The following PEX14 variants were observed in gnomAD, a reference collection of about 807,000 sequenced individuals.
PEX14 encodes peroxisomal biogenesis factor 14, also known as peroxisomal membrane protein PEX14.
Under a neutral mutation model 49.5 loss-of-function variants are expected in PEX14, and 15 were observed. The observed-to-expected ratio is 0.30, with a 90% confidence interval of 0.20 to 0.47. The LOEUF is 0.47. Among genes scored for constraint, PEX14 ranks in the 20% least tolerant of loss-of-function variants. The probability of loss-of-function intolerance (pLI) is 1.00; values close to 1 mark genes in which losing one functional copy is unlikely to be tolerated. For missense variants in PEX14, 398 were observed against 494.8 expected, an observed-to-expected ratio of 0.80 and a Z score of 1.86; for synonymous variants, 210 against 212.7, an observed-to-expected ratio of 0.99 and a Z score of 0.11.
intron 2 of PEX14, among the ~76,000 whole-genome samples, chr1:10,520,151 TTTTTTTTTTTTG>T (rs1557824017): frequency 2.6e-5 from 2 of 76,314 alleles, no homozygotes. Flanking sequence ...TCTTCTTCTT[TTTTTTTTTTTTG>T]TTTTTTTAAC....
intron 3 of PEX14, among the ~76,000 whole-genome samples, chr1:10,538,059 G>A (rs1291411772): frequency 1.3e-5 from 2 of 152,204 alleles, no homozygotes; most frequent in Non-Finnish European, 2.9e-5. Context: ...GCAGAGAACC[G>A]AACAGACAAA....
At chr1:10,477,977 C>T (rs747064492) in intron 1 of PEX14, among the ~76,000 whole-genome samples, 1 of 152,138 alleles carries the variant, frequency 6.6e-6, no homozygotes, top group Non-Finnish European at 1.5e-5. Flanking sequence ...CAACCTCCGC[C>T]TCCCAGGTTC....
At chr1:10,486,388 T>A (rs989869526) in intron 1 of PEX14, among the ~76,000 whole-genome samples, 4 of 150,450 alleles carry the variant, frequency 2.7e-5, no homozygotes, top group Admixed American at 6.6e-5. Flanking sequence ...TTTAATCATA[T>A]GTGTTTTGAG....
intron 4 of PEX14, among the ~76,000 whole-genome samples, chr1:10,614,263 G>A (rs574867529): frequency 8.4e-4 from 128 of 152,274 alleles, no homozygotes; most frequent in African/African-American, 2.9e-3. Flanking sequence ...TCTCCAAAAC[G>A]AGTAAAATGG....
intron 2 of PEX14, among the ~76,000 whole-genome samples, chr1:10,515,003 TA>T (rs1333648290): frequency 6.6e-6 from 1 of 152,160 alleles, no homozygotes; most frequent in East Asian, 1.9e-4. Context: ...TGCCCCTGTG[TA>T]GGTGGGAAGA....
Position 10,623,214 on chromosome 1 carries a change from T to C in PEX14, c.487+93T>C, listed in dbSNP as rs562277736. The stretch of plus-strand genomic sequence containing the variant: ...CCCCTCTCCCTCTGTCTCCACTCTA[T>C]GTGGTGACTTCATTTATCTGCTCTG... On this transcript the variant is annotated intron_variant, in intron 6 of 8. Coordinates refer to ENST00000356607, the MANE Select transcript of PEX14 (RefSeq NM_004565.3). The surrounding 1 kb of genome is among the most constrained non-coding windows in gnomAD (Gnocchi z 4.4). The C allele has an allele frequency of 5.1e-5, 40 of 786,260 alleles. No homozygotes were observed. Among genetic ancestry groups the C allele is most frequent in the Admixed American group, 1.0e-4 (5 of 50,032 alleles). The allele number at this position is 786,260 out of a possible 1,614,324, so 48.7% of individuals were successfully genotyped here.
chr1:10,578,296 T>C (rs528410764), intron 3 of PEX14, among the ~76,000 whole-genome samples: 2 of 152,240 alleles, frequency 1.3e-5, no homozygotes, highest in Admixed American at 1.3e-4. Flanking sequence ...TTAGAGGCGA[T>C]TCGATAAACA....
intron 2 of PEX14, among the ~76,000 whole-genome samples, chr1:10,532,349 GT>G (rs1162353075): frequency 2.1e-5 from 3 of 143,580 alleles, no homozygotes; most frequent in Non-Finnish European, 4.5e-5. Context: ...TGGCAGGGTT[GT>G]TTTATTTTGC....
Position 10,529,452 on chromosome 1 carries a change from G to A in PEX14, c.85-6761G>A, listed in dbSNP as rs748529438. Among the ~76,000 whole-genome samples the A allele has an allele frequency of 2.6e-5, 4 of 152,338 alleles. No homozygotes were observed. The highest frequency in any genetic ancestry group is 2.1e-4 in the South Asian group (1 of 4,832). On this transcript the variant is annotated intron_variant, in intron 2 of 8. Coordinates refer to ENST00000356607, the MANE Select transcript of PEX14 (RefSeq NM_004565.3). This position sits in a 1 kb window ranked among gnomAD's most constrained non-coding sequence, Gnocchi z 4.2. ...ACTGTCCCTTGACATTAAATAGTGCGTGGTGGTTTAAGATGCTTTTTATTT... is the reference window on the plus strand; with the variant it reads ...ACTGTCCCTTGACATTAAATAGTGCATGGTGGTTTAAGATGCTTTTTATTT...
Position 10,514,408 on chromosome 1 carries a change from G to A in PEX14, c.84+19087G>A, listed in dbSNP as rs1278210362. Reference sequence around the variant, plus strand: ...AGGTGTGCTATACTGTGTTGTTTGTGCACGTGTGTAACAATATACAGTGTT... The same window carrying A: ...AGGTGTGCTATACTGTGTTGTTTGTACACGTGTGTAACAATATACAGTGTT... On this transcript the variant is annotated intron_variant, in intron 2 of 8. Coordinates refer to ENST00000356607, the MANE Select transcript of PEX14 (RefSeq NM_004565.3). This position sits in a 1 kb window ranked among gnomAD's most constrained non-coding sequence, Gnocchi z 4.4. Among the ~76,000 whole-genome samples, 2 of 152,200 alleles carry A rather than the reference G, an allele frequency of 1.3e-5. No homozygotes were observed. The highest frequency in any genetic ancestry group is 4.8e-5 in the African/African-American group (2 of 41,454).
intron 2 of PEX14, among the ~76,000 whole-genome samples, chr1:10,509,227 C>T (rs193089592): frequency 2.0e-5 from 3 of 152,142 alleles, no homozygotes; most frequent in East Asian, 3.9e-4. Context: ...GGATTACAGG[C>T]GTGAGCCACC....
chr1:10,550,124 G>T (rs1291281038), intron 3 of PEX14, among the ~76,000 whole-genome samples: 1 of 152,198 alleles, frequency 6.6e-6, no homozygotes, highest in South Asian at 2.1e-4. Flanking sequence ...ATACAGATAA[G>T]CAAGGTGCTG....
intron 3 of PEX14, among the ~76,000 whole-genome samples, chr1:10,598,727 C>G (rs1013988053): frequency 6.6e-6 from 1 of 152,174 alleles, no homozygotes; most frequent in Non-Finnish European, 1.5e-5. Flanking sequence ...CACAGTCAGT[C>G]CTGATTTTTC....
intron 5 of PEX14, among the ~76,000 whole-genome samples, chr1:10,622,815 C>T (rs1030773793): frequency 6.6e-6 from 1 of 152,238 alleles, no homozygotes; most frequent in Non-Finnish European, 1.5e-5. Context: ...CCTCCTGGTC[C>T]TTGTCCTTAT....
chr1:10,535,603 T>C (rs1193999846), intron 2 of PEX14, among the ~76,000 whole-genome samples: 2 of 152,122 alleles, frequency 1.3e-5, no homozygotes, highest in Admixed American at 6.5e-5. Context: ...TGCAGCGTAG[T>C]TGGGGAGGCA....
intron 3 of PEX14, among the ~76,000 whole-genome samples, chr1:10,586,901 A>C (rs539243201): frequency 1.7e-4 from 26 of 151,790 alleles, no homozygotes; most frequent in African/African-American, 6.3e-4. Context: ...CGGCCTCCCA[A>C]AGTGCTGGGA....
chr1:10,604,618 C>A (rs927339686), intron 4 of PEX14, among the ~76,000 whole-genome samples: 16 of 152,076 alleles, frequency 1.1e-4, no homozygotes, highest in Non-Finnish European at 2.1e-4. Context: ...CTCTAAAAAA[C>A]CAAAAAGAAA....
At chr1:10,542,415 A>C (rs1352451124) in intron 3 of PEX14, among the ~76,000 whole-genome samples, 1 of 152,224 alleles carries the variant, frequency 6.6e-6, no homozygotes, top group Non-Finnish European at 1.5e-5. Context: ...GACTTGCTTC[A>C]TTCTTTTCAG....
intron 3 of PEX14, among the ~76,000 whole-genome samples, chr1:10,562,542 C>G (rs1639678995): frequency 6.6e-6 from 1 of 152,110 alleles, no homozygotes. Context: ...TTGGATTTAT[C>G]TGATGTTTCC....
Sources: gnomAD v4.1 joint callset for allele counts (sites outside exome capture counted in the v4.1 genomes callset) on GRCh38, gnomAD v4.1.1 for gene constraint, Gnocchi (gnomAD v3.1) non-coding constraint, MANE v1.5 for transcripts, NCBI Gene and HGNC (gene_info 2026-07-23, HGNC 2026-07-21) for gene names.